CFAP161: variants seen among roughly 807,000 people sequenced by gnomAD.
The protein encoded by CFAP161 is cilia- and flagella-associated protein 161.
In CFAP161, 25 loss-of-function variants were observed where a neutral mutation model predicts 29.0. The ratio of observed to expected loss-of-function variants is 0.86; its 90% CI spans 0.63 to 1.20. CFAP161 has a LOEUF of 1.20. Among genes scored for constraint, CFAP161 ranks in the 50% most tolerant of loss-of-function variants. The pLI is 0.00. For missense variants in CFAP161, 367 were observed against 371.9 expected (o/e 0.99, Z 0.11); for synonymous variants, 116 against 137.4 (o/e 0.84, Z 1.09).
At chr15:81,121,486 ACTTTT>A (rs1392823538) in intron 1 of CFAP161, among the ~76,000 whole-genome samples, 5 of 150,178 alleles carry the variant, frequency 3.3e-5, no homozygotes, top group East Asian at 1.9e-4. Flanking sequence ...ATATTTGTAT[ACTTTT>A]CTTATAATTT....
At chr15:81,134,756 G>A (rs1366435389) in intron 1 of CFAP161, among the ~76,000 whole-genome samples, 5 of 152,284 alleles carry the variant, frequency 3.3e-5, no homozygotes, top group Middle Eastern at 6.8e-3. Flanking sequence ...CGGGCCAGGT[G>A]AGGACACAGG....
chr15:81,132,175 G>T (rs984187118), upstream of CFAP161, among the ~76,000 whole-genome samples: 2 of 152,138 alleles, frequency 1.3e-5, no homozygotes, highest in Non-Finnish European at 2.9e-5. Flanking sequence ...TACTCAGGAG[G>T]CTGAGGCATG....
At chr15:81,134,954 CAG>C in intron 1 of CFAP161, among the ~76,000 whole-genome samples, 1 of 152,288 alleles carries the variant, frequency 6.6e-6, no homozygotes, top group Admixed American at 6.5e-5. Context: ...TTTCTAGTGT[CAG>C]TCATCATACG....
At chr15:81,142,871 A>G (rs1411850421) in intron 4 of CFAP161, among the ~76,000 whole-genome samples, 2 of 152,214 alleles carry the variant, frequency 1.3e-5, no homozygotes, top group African/African-American at 2.4e-5. Flanking sequence ...CAGATAGCCG[A>G]CATAAATTTC....
chr15:81,117,150 T>A (rs1020777179), intron 1 of CFAP161, among the ~76,000 whole-genome samples: 4 of 152,186 alleles, frequency 2.6e-5, no homozygotes, highest in Non-Finnish European at 4.4e-5. Context: ...TTCTTAAATA[T>A]GATATTTTAG....
upstream of CFAP161, chr15:81,134,183 C>A: frequency 1.1e-6 from 1 of 916,594 alleles, no homozygotes; most frequent in Non-Finnish European, 1.6e-6. Flanking sequence ...CCCCATCTCC[C>A]GCCCCAGGGC....
chr15:81,133,827 CTTT>C (rs749858093), upstream of CFAP161, among the ~76,000 whole-genome samples: 3 of 152,064 alleles, frequency 2.0e-5, no homozygotes, highest in Non-Finnish European at 2.9e-5. Context: ...TTCCTTTCTT[CTTT>C]CTATGCGATT....
intron 1 of CFAP161, among the ~76,000 whole-genome samples, chr15:81,119,830 G>A (rs1248444054): frequency 6.6e-6 from 1 of 152,086 alleles, no homozygotes; most frequent in African/African-American, 2.4e-5. Flanking sequence ...ATTTTGGGTG[G>A]TCAGTGCAGG....
At chr15:81,140,869 G>A (rs1894896220) in intron 4 of CFAP161, among the ~76,000 whole-genome samples, 1 of 152,144 alleles carries the variant, frequency 6.6e-6, no homozygotes, top group African/African-American at 2.4e-5. Flanking sequence ...TTACAGGCGT[G>A]AGCCACTGCA....
At chr15:81,124,611 G>C (rs1021266839) in intron 1 of CFAP161, among the ~76,000 whole-genome samples, 1 of 152,106 alleles carries the variant, frequency 6.6e-6, no homozygotes, top group African/African-American at 2.4e-5. Context: ...TTGTACCTCT[G>C]GTAGAATTCA....
intron 1 of CFAP161, among the ~76,000 whole-genome samples, chr15:81,112,655 G>A (rs1474111588): frequency 6.6e-6 from 1 of 152,064 alleles, no homozygotes; most frequent in Non-Finnish European, 1.5e-5. Context: ...CAAGATCTTA[G>A]CTTTTATTTT....
intron 1 of CFAP161, among the ~76,000 whole-genome samples, chr15:81,103,067 CATG>C (rs10626158): frequency 2.0e-5 from 3 of 151,044 alleles, no homozygotes; most frequent in Non-Finnish European, 3.0e-5. Context: ...CGAGGAAGCA[CATG>C]ATGATGATGA....
At chr15:81,118,600 C>A (rs1894530595) in intron 1 of CFAP161, among the ~76,000 whole-genome samples, 3 of 152,144 alleles carry the variant, frequency 2.0e-5, no homozygotes, top group South Asian at 4.1e-4. Context: ...GGCGGGCAGT[C>A]GCGCTAAACC....
chr15:81,146,715 T>C (rs1490356005), intron 5 of CFAP161, among the ~76,000 whole-genome samples: 1 of 150,910 alleles, frequency 6.6e-6, no homozygotes, highest in Non-Finnish European at 1.5e-5. Flanking sequence ...TGTGTGGACA[T>C]TGTGAAAGGA....
intron 2 of CFAP161, 26 bp from the exon 3 acceptor site, chr15:81,136,490 G>A (rs1894810751): frequency 1.9e-6 from 3 of 1,596,696 alleles, no homozygotes; most frequent in African/African-American, 2.7e-5. Context: ...CATGGTTTAT[G>A]TAATAAACTA....
chr15:81,130,452 G>A (rs1010339718), upstream of CFAP161, among the ~76,000 whole-genome samples: 8 of 152,174 alleles, frequency 5.3e-5, no homozygotes, highest in Non-Finnish European at 1.5e-5. Flanking sequence ...TGTAATCCCA[G>A]CACTTTGGGA....
chr15:81,139,098 T>A (rs1413594363), intron 4 of CFAP161, among the ~76,000 whole-genome samples: 1 of 152,098 alleles, frequency 6.6e-6, no homozygotes, highest in Non-Finnish European at 1.5e-5. Flanking sequence ...GGCCAGGAGT[T>A]GTAGACCAGC....
chr15:81,135,227 C>T, intron 1 of CFAP161, 43 bp from the exon 2 acceptor site: 2 of 1,237,960 alleles, frequency 1.6e-6, no homozygotes, highest in Non-Finnish European at 1.1e-6. Flanking sequence ...TTAATACTAA[C>T]ATCTATATTA....
upstream of CFAP161, among the ~76,000 whole-genome samples, chr15:81,131,605 T>G (rs1242488482): frequency 6.6e-6 from 1 of 151,924 alleles, no homozygotes; most frequent in Non-Finnish European, 1.5e-5. Flanking sequence ...TTTGCAAACT[T>G]GAAGACAAAT....
Sources: gnomAD v4.1 joint callset for allele counts (sites outside exome capture counted in the v4.1 genomes callset) on GRCh38, gnomAD v4.1.1 for gene constraint, MANE v1.5 for transcripts, NCBI Gene and HGNC (gene_info 2026-07-23, HGNC 2026-07-21) for gene names.